The following NR3C1 variants were observed in gnomAD, a reference collection of about 807,000 sequenced individuals.
NR3C1 encodes nuclear receptor subfamily 3 group C member 1.
In NR3C1, 14 loss-of-function variants were observed where a neutral mutation model predicts 74.0. That is an observed-to-expected ratio of 0.19 (90% CI 0.12 to 0.30). The LOEUF (loss-of-function observed/expected upper bound fraction) is 0.30, where lower values mean the gene tolerates loss of function less well. Among genes scored for constraint, NR3C1 ranks in the 10% least tolerant of loss-of-function variants. NR3C1 has a pLI of 1.00. For missense variants in NR3C1, 695 were observed against 909.8 expected (o/e 0.76, Z 3.04); for synonymous variants, 308 against 332.5 (o/e 0.93, Z 0.80).
At chr5:143,402,705 C>G in intron 1 of NR3C1, 1 of 985,428 alleles carries the variant, frequency 1.0e-6, no homozygotes, top group Non-Finnish European at 1.2e-6. Flanking sequence ...TGCACCCTCA[C>G]GCGCCCCGCA....
chr5:143,368,522 A>G (rs879374418), intron 2 of NR3C1, among the ~76,000 whole-genome samples: 1 of 145,768 alleles, frequency 6.9e-6, no homozygotes, highest in Admixed American at 7.1e-5. Flanking sequence ...ATACATACAC[A>G]TATATTCTAG....
intron 2 of NR3C1, among the ~76,000 whole-genome samples, chr5:143,349,693 C>G (rs142714431): frequency 6.6e-6 from 1 of 152,246 alleles, no homozygotes; most frequent in African/African-American, 2.4e-5. Flanking sequence ...TTTCTTCATA[C>G]ATCTAACAAA....
intron 2 of NR3C1, among the ~76,000 whole-genome samples, chr5:143,336,810 CCT>C (rs1827208059): frequency 6.6e-6 from 1 of 151,666 alleles, no homozygotes; most frequent in Admixed American, 6.6e-5. Context: ...ATGGCGAAAC[CCT>C]GTTTCTATTA....
chr5:143,300,365 TC>T lies in NR3C1; in HGVS notation c.1747+119del. On this transcript the variant is annotated intron_variant, in intron 5 of 8. Transcript: ENST00000394464. This position sits in a 1 kb window ranked among gnomAD's most constrained non-coding sequence, Gnocchi z 5.2. Reference sequence around the variant, plus strand: ...ATTCACCTGACTCTCCCCTTCATAGTCCCCAGAACTAAGAGAAACAAGATAA... The same window carrying T: ...ATTCACCTGACTCTCCCCTTCATAGTCCCAGAACTAAGAGAAACAAGATAA... The T allele has an allele frequency of 1.6e-6, 2 of 1,221,208 alleles. No individual in the cohort carries two copies. The highest frequency in any genetic ancestry group is 1.2e-5 in the South Asian group (1 of 81,630). 75.6% of individuals were successfully genotyped at this position (1,221,208 alleles called of 1,614,324 possible).
At chr5:143,402,800 G>A in intron 1 of NR3C1, 6 of 985,416 alleles carry the variant, frequency 6.1e-6, no homozygotes, top group Non-Finnish European at 7.2e-6. Flanking sequence ...GCAAATATTC[G>A]GGCGAGTAAA....
At chr5:143,374,471 A>T (rs1834799728) in intron 2 of NR3C1, among the ~76,000 whole-genome samples, 1 of 151,020 alleles carries the variant, frequency 6.6e-6, no homozygotes, top group South Asian at 2.1e-4. Context: ...AGCCTGGGCG[A>T]CAGAGCGAGA....
chr5:143,406,059 C>T (rs1201205316), upstream of NR3C1, among the ~76,000 whole-genome samples: 1 of 151,954 alleles, frequency 6.6e-6, no homozygotes, highest in Non-Finnish European at 1.5e-5. Flanking sequence ...TATCCTTGTA[C>T]ACTGCTTAAA....
intron 1 of NR3C1, among the ~76,000 whole-genome samples, chr5:143,424,770 G>A (rs1443300203): frequency 6.6e-6 from 1 of 152,126 alleles, no homozygotes; most frequent in Non-Finnish European, 1.5e-5. Context: ...GGCATTGAGT[G>A]TTAGAATAGA....
In NR3C1 at chr5:143,282,055, T is replaced by C. The variant is rs1452310741; in HGVS notation, c.2182-14A>G. ...ATTTTCAACCACCTGCAAGAGAAGATATGGTAATGATCAGGCTTCCAAATT... is the reference window on the plus strand; with the variant it reads ...ATTTTCAACCACCTGCAAGAGAAGACATGGTAATGATCAGGCTTCCAAATT... On this transcript the variant is annotated splice_polypyrimidine_tract_variant and intron_variant, in intron 8 of 8. Coordinates refer to ENST00000394464, the MANE Select transcript of NR3C1 (RefSeq NM_000176.3). 4 of 1,613,280 alleles carry C rather than the reference T, an allele frequency of 2.5e-6. No homozygotes were observed. The Admixed American group carries it at 5.0e-5, about 20-fold the overall frequency.
At chr5:143,394,132 T>C (rs890154534) in intron 2 of NR3C1, among the ~76,000 whole-genome samples, 1 of 152,034 alleles carries the variant, frequency 6.6e-6, no homozygotes, top group Admixed American at 6.5e-5. Context: ...ACAGGATTAA[T>C]GTTGTTGAAA....
chr5:143,325,624 A>G (rs1269550739), intron 2 of NR3C1, among the ~76,000 whole-genome samples: 1 of 152,220 alleles, frequency 6.6e-6, no homozygotes, highest in African/African-American at 2.4e-5. Context: ...TTATTTTATT[A>G]TTAGTTACTA....
chr5:143,316,224 T>A (rs1238965822), intron 2 of NR3C1, among the ~76,000 whole-genome samples: 1 of 152,156 alleles, frequency 6.6e-6, no homozygotes. Flanking sequence ...CAGTGAATGG[T>A]GCGACAATGT....
chr5:143,358,237 A>G (rs1442156673), intron 2 of NR3C1, among the ~76,000 whole-genome samples: 1 of 152,208 alleles, frequency 6.6e-6, no homozygotes, highest in African/African-American at 2.4e-5. Context: ...TTAATCATTC[A>G]GTGAGACCCA....
chr5:143,281,523 C>G lies in NR3C1; in HGVS notation c.*366G>C. On this transcript the variant is annotated 3_prime_UTR_variant, in exon 9 of 9. Transcript: ENST00000394464. ...AGAAAGTCTAGAAAATTTCATCCAG[C>G]CAACTGTGAAAAAAAGTATGAAGAG... 4.1e-6 allele frequency: 1 copy of G among 242,846 alleles called. No homozygotes were observed. The highest frequency in any genetic ancestry group is 8.1e-6 in the Non-Finnish European group (1 of 122,778). 15.0% of individuals were successfully genotyped at this position (242,846 alleles called of 1,614,324 possible). A position where few individuals can be genotyped will look rare whatever the true frequency, so the allele number is the denominator to read the frequency against.
chr5:143,413,186 T>TA (rs1178912225), intron 1 of NR3C1, among the ~76,000 whole-genome samples: 1 of 152,168 alleles, frequency 6.6e-6, no homozygotes, highest in African/African-American at 2.4e-5. Context: ...GTTAGATGCA[T>TA]AGGGCACTTC....
chr5:143,340,959 T>C (rs1828105628), intron 2 of NR3C1, among the ~76,000 whole-genome samples: 1 of 152,142 alleles, frequency 6.6e-6, no homozygotes, highest in South Asian at 2.1e-4. Flanking sequence ...TTGTATCTTT[T>C]CTGCTCCTCT....
chr5:143,306,721 TAGA>T (rs1819664645), intron 4 of NR3C1, among the ~76,000 whole-genome samples: 1 of 152,056 alleles, frequency 6.6e-6, no homozygotes, highest in Non-Finnish European at 1.5e-5. Flanking sequence ...GTCCAAAAAG[TAGA>T]AGAATGTATA....
At chr5:143,352,419 T>C (rs1245299884) in intron 2 of NR3C1, among the ~76,000 whole-genome samples, 4 of 152,206 alleles carry the variant, frequency 2.6e-5, no homozygotes, top group Admixed American at 6.5e-5. Flanking sequence ...TCTTGGTTTA[T>C]ATCCTTCCCT....
chr5:143,371,207 G>A (rs1164787538), intron 2 of NR3C1, among the ~76,000 whole-genome samples: 1 of 152,012 alleles, frequency 6.6e-6, no homozygotes, highest in Non-Finnish European at 1.5e-5. Flanking sequence ...GCTCCCTGAA[G>A]GTTATCAAAT....
Sources: allele counts gnomAD v4.1 joint callset (sites outside exome capture counted in the v4.1 genomes callset), GRCh38; gene constraint gnomAD v4.1.1; non-coding constraint Gnocchi (gnomAD v3.1); transcripts MANE v1.5; gene names NCBI Gene and HGNC (gene_info 2026-07-23, HGNC 2026-07-21).